The following TNKS2 variants were observed in gnomAD, a reference collection of about 807,000 sequenced individuals.
TNKS2 encodes the protein tankyrase 2, also known as poly [ADP-ribose] polymerase tankyrase-2.
TNKS2 carries 72 observed loss-of-function variants against 137.6 expected under a neutral mutation model. That is an observed-to-expected ratio of 0.52 (90% CI 0.43 to 0.64). The LOEUF (loss-of-function observed/expected upper bound fraction) is 0.64, where lower values mean the gene tolerates loss of function less well. Among genes scored for constraint, TNKS2 ranks in the 30% least tolerant of loss-of-function variants. The pLI is 0.00. For synonymous variants in TNKS2, 516 were observed against 512.1 expected, an observed-to-expected ratio of 1.01 and a Z score of -0.10; for missense variants, 1,049 against 1,410.2, an observed-to-expected ratio of 0.74 and a Z score of 4.10.
chr10:91,829,280 AT>A lies in TNKS2; in HGVS notation c.1104+877del, dbSNP rs1404165051. Among the ~76,000 whole-genome samples, 56 of 77,004 alleles carry A rather than the reference AT, an allele frequency of 7.3e-4. No homozygotes were observed. The East Asian group carries it at 0.046, about 63-fold the overall frequency. 50.5% of individuals were successfully genotyped at this position (77,004 alleles called of 152,430 possible). A position where few individuals can be genotyped will look rare whatever the true frequency, so the allele number is the denominator to read the frequency against. On this transcript the variant is annotated intron_variant, in intron 9 of 26. Transcript: ENST00000371627. ...TTTACTGCTTGTAAGAAACTTCTAA[AT>A]TTAAAAAAAAAAAATAGCAAAGCTG...
At chr10:91,828,442 A>G in intron 9 of TNKS2, 36 bp downstream of exon 9, 9 of 1,523,006 alleles carry the variant, frequency 5.9e-6, no homozygotes, top group Non-Finnish European at 7.9e-6. Context: ...AAATACAATA[A>G]CGAAGAACGT....
In TNKS2 at chr10:91,800,818, A is replaced by T. The variant is rs541520887; in HGVS notation, c.199+1929A>T. On this transcript the variant is annotated intron_variant, in intron 1 of 26. Coordinates refer to ENST00000371627, the MANE Select transcript of TNKS2 (RefSeq NM_025235.4). ...TAAATTTAATCTGAATTTTAGGTTC[A>T]TCAGAGAGAAGCTTTTTAAGTGCAT... Among the ~76,000 whole-genome samples, 3 of 152,338 alleles carry T rather than the reference A, an allele frequency of 2.0e-5. No individual in the cohort carries two copies. In the South Asian group the frequency reaches 6.2e-4, roughly 32 times the overall value.
intron 18 of TNKS2, 104 bp from the exon 19 acceptor site, chr10:91,848,279 G>A: frequency 1.6e-6 from 2 of 1,269,534 alleles, no homozygotes; most frequent in Non-Finnish European, 2.1e-6. Context: ...GATAGTACTG[G>A]CACAAATTGC....
At position 91,846,546 on chromosome 10, in the gene TNKS2, C is replaced by T. The variant is rs115955794; in HGVS notation, c.2358+606C>T. ...TCCACCTCTGCTTTGGGCACTGAAG[C>T]AGATGCCTCTCTTGCCTCTACCACT... On this transcript the variant is annotated intron_variant, in intron 18 of 26. Coordinates refer to ENST00000371627, the MANE Select transcript of TNKS2 (RefSeq NM_025235.4). Among the ~76,000 whole-genome samples the T allele has an allele frequency of 3.0e-3, 463 of 152,316 alleles. 1 individual carries two copies. Among genetic ancestry groups the T allele is most frequent in the African/African-American group, 0.01 (432 of 41,576 alleles).
chr10:91,811,069 C>T (rs4612711), intron 1 of TNKS2, among the ~76,000 whole-genome samples: 77,448 of 150,220 alleles, frequency 0.52, 20,390 homozygotes, highest in East Asian at 0.72. Context: ...GGATTACAGG[C>T]ACGCGCCACC....
intron 1 of TNKS2, among the ~76,000 whole-genome samples, chr10:91,801,572 C>G (rs930034774): frequency 2.6e-5 from 4 of 152,068 alleles, no homozygotes; most frequent in African/African-American, 4.8e-5. Context: ...CTTCCGGGTT[C>G]GACCGATTCT....
At position 91,856,458 on chromosome 10, in the gene TNKS2, G is replaced by A. The variant is rs1250399266; in HGVS notation, c.2988+770G>A. Among the ~76,000 whole-genome samples the A allele has an allele frequency of 1.3e-5, 2 of 152,122 alleles. 1 individual carries two copies. The highest frequency in any genetic ancestry group is 2.9e-5 in the Non-Finnish European group (2 of 68,018). On this transcript the variant is annotated intron_variant, in intron 23 of 26. Transcript: ENST00000371627. Reference sequence around the variant, plus strand: ...TCATAACATACTATGAGTATAATATGTAATCAGGCAAATACATGCCTACTA... The same window carrying A: ...TCATAACATACTATGAGTATAATATATAATCAGGCAAATACATGCCTACTA...
At chr10:91,806,353 G>C (rs1002475308) in intron 1 of TNKS2, among the ~76,000 whole-genome samples, 3 of 152,066 alleles carry the variant, frequency 2.0e-5, no homozygotes, top group African/African-American at 7.2e-5. Context: ...ATGGGCAGGG[G>C]TGTCACAGAA....
intron 22 of TNKS2, 138 bp from the exon 23 acceptor site, chr10:91,855,476 A>T: frequency 1.3e-6 from 1 of 762,882 alleles, no homozygotes; most frequent in Non-Finnish European, 2.1e-6. Flanking sequence ...CAGCCCTCAT[A>T]TTCTTTGAAT....
At chr10:91,807,345 C>T (rs111675272) in intron 1 of TNKS2, 1 of 1,614,084 alleles carries the variant, frequency 6.2e-7, no homozygotes, top group South Asian at 1.1e-5. Context: ...ATCAGAATGC[C>T]TATATTTGAG....
In TNKS2 at chr10:91,798,904, C is replaced by T. The variant is rs1844059181; in HGVS notation, c.199+15C>T. 1 of 1,376,288 alleles carries T rather than the reference C, an allele frequency of 7.3e-7. No homozygotes were observed. Among genetic ancestry groups the T allele is most frequent in the Non-Finnish European group, 9.5e-7 (1 of 1,056,218 alleles). 85.3% of individuals were successfully genotyped at this position (1,376,288 alleles called of 1,614,324 possible). Reference sequence around the variant, plus strand: ...CTTCGCCGCAGGTAACCGGGGCCAGCGTCCCCTCGCCTCGCTCCAGACCCC... The same window carrying T: ...CTTCGCCGCAGGTAACCGGGGCCAGTGTCCCCTCGCCTCGCTCCAGACCCC... On this transcript the variant is annotated intron_variant, in intron 1 of 26. Transcript: ENST00000371627.
At chr10:91,808,702 T>C (rs1230254095) in intron 1 of TNKS2, among the ~76,000 whole-genome samples, 1 of 152,114 alleles carries the variant, frequency 6.6e-6, no homozygotes, top group East Asian at 1.9e-4. Flanking sequence ...TTCTGGAATT[T>C]GGGTGAAAAG....
At position 91,842,212 on chromosome 10, in the gene TNKS2, C is replaced by T. The variant is rs747900399; in HGVS notation, c.1880C>T (p.Thr627Ile). The T allele has an allele frequency of 5.1e-5, 83 of 1,613,696 alleles. No homozygotes were observed. Among genetic ancestry groups the T allele is most frequent in the Admixed American group, 1.8e-4 (11 of 59,982 alleles). Reference sequence around the variant, plus strand: ...ACAAAAAAAAACAGGGATGGAAATACTCCTTTGGATCTTGTTAAAGATGGA... The same window carrying T: ...ACAAAAAAAAACAGGGATGGAAATATTCCTTTGGATCTTGTTAAAGATGGA... Reference protein sequence around the residue: ...DPTKKNRDGNTPLDLVKDGDT... With the variant: ...DPTKKNRDGNIPLDLVKDGDT... The change falls in exon 16 of 27, where the codon ACT (threonine) becomes ATT (isoleucine). Residue 627 changes from threonine (T) to isoleucine (I), a missense_variant. Physicochemically the swap from Thr to Ile is moderately conservative, Grantham distance 89. This residue lies in a region of TNKS2 where 328 missense variants were observed against 436.0 expected (regional missense o/e 0.75). Coordinates refer to ENST00000371627, the MANE Select transcript of TNKS2 (RefSeq NM_025235.4).
At chr10:91,822,404 A>G (rs1844919084) in intron 7 of TNKS2, 42 bp downstream of exon 7, 3 of 1,470,998 alleles carry the variant, frequency 2.0e-6, no homozygotes, top group Non-Finnish European at 2.8e-6. Context: ...CTAGAGTTAT[A>G]TAAAATAACT....
chr10:91,849,289 A>G (rs1842471944), intron 19 of TNKS2, among the ~76,000 whole-genome samples: 1 of 152,252 alleles, frequency 6.6e-6, no homozygotes, highest in South Asian at 2.1e-4. Context: ...GCAATTAAAA[A>G]CAAAGTTTAA....
chr10:91,817,520 C>T (rs1168299201), intron 3 of TNKS2, among the ~76,000 whole-genome samples: 2 of 152,104 alleles, frequency 1.3e-5, no homozygotes, highest in Non-Finnish European at 2.9e-5. Context: ...TTTTTAAATA[C>T]CCCTGAGTTT....
intron 18 of TNKS2, among the ~76,000 whole-genome samples, chr10:91,847,012 C>T (rs1842394870): frequency 6.6e-6 from 1 of 152,134 alleles, no homozygotes; most frequent in African/African-American, 2.4e-5. Flanking sequence ...GTTACCTCAT[C>T]TATAGATAGA....
chr10:91,818,400 A>G lies in TNKS2; in HGVS notation c.521-870A>G, dbSNP rs1844779094. On this transcript the variant is annotated intron_variant, in intron 3 of 26. Transcript: ENST00000371627. ...ATTAAATAAACATGATATTAGTGTC[A>G]AAAAATCTAGGTTCATAAAGATGTT... Among the ~76,000 whole-genome samples, 4 of 101,370 alleles carry G rather than the reference A, an allele frequency of 3.9e-5. No individual in the cohort carries two copies. In the South Asian group the frequency reaches 1.2e-3, roughly 31 times the overall value. The allele number at this position is 101,370 out of a possible 152,430, so 66.5% of individuals were successfully genotyped here.
intron 12 of TNKS2, 23 bp from the exon 13 acceptor site, chr10:91,836,896 T>TTCTC (rs528388829): frequency 1.9e-6 from 3 of 1,583,290 alleles, no homozygotes; most frequent in African/African-American, 1.4e-5. Flanking sequence ...TTAGTCACTC[T>TTCTC]TCTCTCTCTC....
Sources: allele counts gnomAD v4.1 joint callset (sites outside exome capture counted in the v4.1 genomes callset), GRCh38; gene constraint gnomAD v4.1.1; regional missense constraint gnomAD v4.1.1; transcripts MANE v1.5; gene names NCBI Gene and HGNC (gene_info 2026-07-23, HGNC 2026-07-21).